GPHN: variants seen among roughly 807,000 people sequenced by gnomAD.
GPHN encodes the protein gephyrin.
In GPHN, 17 loss-of-function variants were observed where a neutral mutation model predicts 95.5. The ratio of observed to expected loss-of-function variants is 0.18; its 90% CI spans 0.12 to 0.27. GPHN has a LOEUF of 0.27. Among genes scored for constraint, GPHN ranks in the 10% least tolerant of loss-of-function variants. The pLI is 1.00. For missense variants in GPHN, 660 were observed against 978.1 expected, an observed-to-expected ratio of 0.67 and a Z score of 4.34; for synonymous variants, 320 against 322.5, an observed-to-expected ratio of 0.99 and a Z score of 0.08.
At chr14:67,330,780 CAT>C in the GPHN span, among the ~76,000 whole-genome samples, 21 of 152,174 alleles carry the variant, frequency 1.4e-4, no homozygotes, top group Non-Finnish European at 1.8e-4. Context: ...CTCTTTAACA[CAT>C]GAGTTATTTA....
chr14:66,773,418 A>G (rs529512747), intron 2 of GPHN, among the ~76,000 whole-genome samples: 3 of 148,326 alleles, frequency 2.0e-5, no homozygotes, highest in African/African-American at 5.1e-5. Flanking sequence ...CAATGGCGCA[A>G]TCTCAGCTCA....
chr14:67,329,746 G>T, the GPHN span, among the ~76,000 whole-genome samples: 1 of 151,988 alleles, frequency 6.6e-6, no homozygotes, highest in African/African-American at 2.4e-5. Flanking sequence ...GCCAGGCATG[G>T]TGGTGCACGC....
chr14:67,356,013 G>T, the GPHN span, among the ~76,000 whole-genome samples: 9 of 151,934 alleles, frequency 5.9e-5, no homozygotes, highest in African/African-American at 2.2e-4. Flanking sequence ...ACAAGTGTTT[G>T]GGTAATAAAA....
At chr14:66,856,988 C>G (rs1056631426) in intron 4 of GPHN, among the ~76,000 whole-genome samples, 1 of 151,798 alleles carries the variant, frequency 6.6e-6, no homozygotes, top group Non-Finnish European at 1.5e-5. Context: ...ATCACAAAAA[C>G]CAACAAATAC....
chr14:67,366,008 G>T, the GPHN span, among the ~76,000 whole-genome samples: 1 of 151,496 alleles, frequency 6.6e-6, no homozygotes, highest in Non-Finnish European at 1.5e-5. Flanking sequence ...ACTACTTTGA[G>T]ACTATTTGTT....
At position 66,540,667 on chromosome 14, in the gene GPHN, G is replaced by A. The variant is rs143236576; in HGVS notation, c.64+32076G>A. Among the ~76,000 whole-genome samples, 82 of 152,310 alleles carry A rather than the reference G, an allele frequency of 5.4e-4. 7 individuals are homozygous for A. The East Asian group carries it at 6.4e-3, about 12-fold the overall frequency. On this transcript the variant is annotated intron_variant, in intron 1 of 22. Transcript: ENST00000478722. The stretch of plus-strand genomic sequence containing the variant: ...ACTTGTTTTTTTAGCCATATACTCA[G>A]AAGAACACTAGAGTTCTCCAACTGG...
intron 5 of GPHN, among the ~76,000 whole-genome samples, chr14:66,889,127 TAGAC>T (rs1476445007): frequency 2.6e-5 from 4 of 151,852 alleles, no homozygotes; most frequent in East Asian, 3.8e-4. Context: ...AAGAGGAAAA[TAGAC>T]AGCTATGCAA....
At chr14:66,867,990 G>C (rs1035195175) in intron 4 of GPHN, among the ~76,000 whole-genome samples, 2 of 152,160 alleles carry the variant, frequency 1.3e-5, no homozygotes, top group African/African-American at 4.8e-5. Flanking sequence ...TTCTGAATCA[G>C]AATCTCTGGA....
the GPHN span, among the ~76,000 whole-genome samples, chr14:67,653,683 T>G: frequency 6.6e-6 from 1 of 152,194 alleles, no homozygotes; most frequent in African/African-American, 2.4e-5. Context: ...ATTTTAGTAC[T>G]CATCAAGTAG....
chr14:67,325,972 CTCTTT>C, the GPHN span, among the ~76,000 whole-genome samples: 26 of 135,158 alleles, frequency 1.9e-4, no homozygotes, highest in Admixed American at 3.1e-4. Context: ...CCACACCCGG[CTCTTT>C]TCTTTTTTTT....
At chr14:67,140,548 A>G (rs937995886) in intron 17 of GPHN, among the ~76,000 whole-genome samples, 1 of 152,188 alleles carries the variant, frequency 6.6e-6, no homozygotes, top group African/African-American at 2.4e-5. Context: ...TAGAATCAAC[A>G]TATTGTAGTT....
At chr14:67,733,683 C>A in the GPHN span, 43 of 1,065,096 alleles carry the variant, frequency 4.0e-5, no homozygotes, top group East Asian at 9.4e-4. Context: ...AGAAAGGGAC[C>A]ATAAAGATTT....
At chr14:67,519,321 T>C in the GPHN span, among the ~76,000 whole-genome samples, 1 of 152,222 alleles carries the variant, frequency 6.6e-6, no homozygotes, top group African/African-American at 2.4e-5. Flanking sequence ...AAGGGAATGC[T>C]GGCAAAACAA....
chr14:66,961,846 A>G (rs1763310111), intron 8 of GPHN, among the ~76,000 whole-genome samples: 1 of 139,758 alleles, frequency 7.2e-6, no homozygotes, highest in African/African-American at 2.6e-5. Context: ...CAACTTAGAA[A>G]TTTTTTAAAG....
chr14:67,574,940 C>T, the GPHN span, among the ~76,000 whole-genome samples: 2 of 152,202 alleles, frequency 1.3e-5, no homozygotes, highest in African/African-American at 4.8e-5. This position sits in a 1 kb window ranked among gnomAD's most constrained non-coding sequence, Gnocchi z 4.2. Context: ...TCAGGGCTGG[C>T]AGGCTCGCTG....
intron 1 of GPHN, among the ~76,000 whole-genome samples, chr14:66,608,313 T>C (rs1442882684): frequency 6.6e-6 from 1 of 152,084 alleles, no homozygotes; most frequent in East Asian, 1.9e-4. Context: ...CTTCTTGGTG[T>C]TGGTTTTTGT....
intron 2 of GPHN, among the ~76,000 whole-genome samples, chr14:66,740,322 C>T (rs747629369): frequency 3.2e-4 from 48 of 151,936 alleles, no homozygotes; most frequent in Admixed American, 1.8e-3. Context: ...AAATACTTAA[C>T]GTCATGAGGG....
At chr14:66,711,097 G>C (rs911126958) in intron 2 of GPHN, among the ~76,000 whole-genome samples, 1 of 151,950 alleles carries the variant, frequency 6.6e-6, no homozygotes, top group African/African-American at 2.4e-5. Context: ...GTTTGGTTAC[G>C]TGAGTAAGTT....
At chr14:66,939,427 T>C (rs1284141375) in intron 8 of GPHN, among the ~76,000 whole-genome samples, 1 of 151,938 alleles carries the variant, frequency 6.6e-6, no homozygotes, top group Non-Finnish European at 1.5e-5. Context: ...TGTGGACACA[T>C]TGTAGGGTGA....
Sources: gnomAD v4.1 joint callset for allele counts (sites outside exome capture counted in the v4.1 genomes callset) on GRCh38, gnomAD v4.1.1 for gene constraint, Gnocchi (gnomAD v3.1) non-coding constraint, MANE v1.5 for transcripts, NCBI Gene and HGNC (gene_info 2026-07-23, HGNC 2026-07-21) for gene names.